Variants in STK32A observed in about 807,000 individuals in gnomAD.
STK32A encodes serine/threonine-protein kinase 32A.
STK32A carries 41 observed loss-of-function variants against 53.2 expected under a neutral mutation model. That is an observed-to-expected ratio of 0.77 (90% CI 0.60 to 1.00). STK32A has a LOEUF of 1.00. STK32A is among the 50% of genes least tolerant of loss of function. The probability of loss-of-function intolerance (pLI) is 0.00; values close to 1 mark genes in which losing one functional copy is unlikely to be tolerated. For synonymous variants in STK32A, 166 were observed against 162.8 expected (o/e 1.02, Z -0.15); for missense variants, 458 against 485.8 (o/e 0.94, Z 0.54).
intron 4 of STK32A, among the ~76,000 whole-genome samples, chr5:147,291,974 T>C (rs1390070941): frequency 6.6e-6 from 1 of 152,190 alleles, no homozygotes; most frequent in East Asian, 1.9e-4. Flanking sequence ...AGATTAGACT[T>C]TTAAAAGCCT....
intron 2 of STK32A, among the ~76,000 whole-genome samples, chr5:147,252,240 A>G (rs1754030978): frequency 6.6e-6 from 1 of 151,928 alleles, no homozygotes; most frequent in Non-Finnish European, 1.5e-5. Context: ...AATTAATATG[A>G]TACCTTGTGG....
chr5:147,323,790 C>T, intron 4 of STK32A, 108 bp from the exon 5 acceptor site: 1 of 952,248 alleles, frequency 1.1e-6, no homozygotes, highest in Non-Finnish European at 1.5e-6. Flanking sequence ...AAAGTCTGAG[C>T]TCTTAGCTCA....
At chr5:147,358,557 G>A (rs1233939648) in intron 7 of STK32A, among the ~76,000 whole-genome samples, 2 of 152,140 alleles carry the variant, frequency 1.3e-5, no homozygotes, top group African/African-American at 4.8e-5. Flanking sequence ...GGATAGGTAG[G>A]TAAATTACAG....
chr5:147,343,574 G>T (rs191425921), intron 6 of STK32A, among the ~76,000 whole-genome samples: 1 of 152,176 alleles, frequency 6.6e-6, no homozygotes, highest in African/African-American at 2.4e-5. Context: ...TCATTGTAAA[G>T]ACTGACCTAA....
chr5:147,283,879 A>G (rs1752190067), intron 4 of STK32A, among the ~76,000 whole-genome samples: 1 of 151,874 alleles, frequency 6.6e-6, no homozygotes, highest in African/African-American at 2.4e-5. Context: ...AAGAATTGGT[A>G]CCAATTCTTT....
chr5:147,287,076 G>A (rs1480830879), intron 4 of STK32A, among the ~76,000 whole-genome samples: 1 of 152,170 alleles, frequency 6.6e-6, no homozygotes, highest in African/African-American at 2.4e-5. Context: ...AAGGATAGGT[G>A]CTTCCTTTGT....
chr5:147,383,362 CA>C, intron 11 of STK32A, 78 bp from the exon 12 acceptor site: 1 of 1,176,174 alleles, frequency 8.5e-7, no homozygotes, highest in South Asian at 1.3e-5. Context: ...AATAGACTGT[CA>C]CCAGGTTATT....
intron 2 of STK32A, among the ~76,000 whole-genome samples, chr5:147,274,023 G>C (rs1755152651): frequency 1.3e-5 from 2 of 152,120 alleles, no homozygotes; most frequent in Admixed American, 1.3e-4. Flanking sequence ...GAAGGAATGT[G>C]TACTCACCCA....
chr5:147,390,246 T>C (rs1311030802), downstream of STK32A, among the ~76,000 whole-genome samples: 2 of 152,162 alleles, frequency 1.3e-5, no homozygotes, highest in African/African-American at 4.8e-5. Flanking sequence ...GAAAGACCTT[T>C]ATCACGGGAT....
chr5:147,271,745 T>A (rs555064729), intron 2 of STK32A, among the ~76,000 whole-genome samples: 83 of 152,262 alleles, frequency 5.5e-4, no homozygotes, highest in African/African-American at 1.8e-3. Flanking sequence ...CTTATTAGGA[T>A]GAGGAAATTC....
chr5:147,237,484 A>T (rs1753372939), intron 1 of STK32A, among the ~76,000 whole-genome samples: 1 of 152,136 alleles, frequency 6.6e-6, no homozygotes, highest in South Asian at 2.1e-4. Context: ...TAAAAAGTGC[A>T]TCCCACTTAC....
Position 147,279,413 on chromosome 5 carries a change from T to C in STK32A, c.260+15T>C, listed in dbSNP as rs1751935540. 1.3e-6 allele frequency: 2 copies of C among 1,558,788 alleles called. No homozygotes were observed. Among genetic ancestry groups the C allele is most frequent in the Admixed American group, 1.9e-5 (1 of 51,394 alleles). ...GTTAATTTGTGGTGAGTAATTTTAC[T>C]GGACCTCTGAATAGAGACACTCCTG... On this transcript the variant is annotated intron_variant, in intron 4 of 12. Coordinates refer to ENST00000397936, the MANE Select transcript of STK32A (RefSeq NM_001112724.2).
At chr5:147,241,318 A>G (rs949918669) in intron 2 of STK32A, among the ~76,000 whole-genome samples, 41 of 152,314 alleles carry the variant, frequency 2.7e-4, no homozygotes, top group African/African-American at 9.4e-4. Context: ...CTCTACTAAA[A>G]AATACAAAAA....
At chr5:147,343,981 C>T (rs552581013) in intron 6 of STK32A, among the ~76,000 whole-genome samples, 1 of 152,112 alleles carries the variant, frequency 6.6e-6, no homozygotes, top group Non-Finnish European at 1.5e-5. Flanking sequence ...TAAATGTGTA[C>T]GATTTCTTCC....
chr5:147,320,220 C>G (rs1368493250), intron 4 of STK32A, among the ~76,000 whole-genome samples: 1 of 152,168 alleles, frequency 6.6e-6, no homozygotes, highest in Non-Finnish European at 1.5e-5. Flanking sequence ...CTCTTCCCAA[C>G]CCTCAGAGTC....
chr5:147,288,273 C>T (rs915935363), intron 4 of STK32A, among the ~76,000 whole-genome samples: 1 of 152,162 alleles, frequency 6.6e-6, no homozygotes, highest in African/African-American at 2.4e-5. Context: ...CTCCCTTTGT[C>T]TTCCAAACCA....
chr5:147,398,883 G>T, the STK32A span, among the ~76,000 whole-genome samples: 4 of 152,224 alleles, frequency 2.6e-5, no homozygotes, highest in Non-Finnish European at 5.9e-5. Context: ...TGAGTGACTG[G>T]AATGGGCAGA....
intron 2 of STK32A, among the ~76,000 whole-genome samples, chr5:147,258,995 A>G (rs1430571806): frequency 1.3e-5 from 2 of 152,104 alleles, no homozygotes; most frequent in Admixed American, 6.5e-5. Context: ...TGAACAGACC[A>G]ATTATTAGGC....
rs752775183 is a variant in STK32A at position 147,370,729 on chromosome 5, C to T, written c.736C>T (p.Pro246Ser). The change falls in exon 9 of 13, where the codon CCT (proline) becomes TCT (serine). Residue 246 changes from proline to serine, a missense_variant. Pro to Ser is a moderately conservative substitution (Grantham distance 74). Coordinates refer to ENST00000397936, the MANE Select transcript of STK32A (RefSeq NM_001112724.2). ...HTFETTVVTY[P>S]SAWSQEMVSL... ...GTTTGAGACGACTGTTGTAACTTAC[C>T]CTTCTGCCTGGTCACAGGAAATGGT... The T allele has an allele frequency of 4.7e-5, 76 of 1,612,346 alleles. No individual in the cohort carries two copies. The highest frequency in any genetic ancestry group is 1.2e-4 in the Admixed American group (7 of 59,946).
Sources: gnomAD v4.1 joint callset for allele counts (sites outside exome capture counted in the v4.1 genomes callset) on GRCh38, gnomAD v4.1.1 for gene constraint, MANE v1.5 for transcripts, NCBI Gene and HGNC (gene_info 2026-07-23, HGNC 2026-07-21) for gene names.